UTRN: variants seen among roughly 807,000 people sequenced by gnomAD.
The protein encoded by UTRN is utrophin.
Under a neutral mutation model 463.9 loss-of-function variants are expected in UTRN, and 283 were observed. The observed-to-expected ratio is 0.61, with a 90% confidence interval of 0.55 to 0.67. UTRN has a LOEUF of 0.67. UTRN is among the 30% of genes least tolerant of loss of function. The pLI, the probability that UTRN is intolerant of heterozygous loss-of-function variation, is 0.00. For synonymous variants in UTRN, 1,442 were observed against 1,431.5 expected, an observed-to-expected ratio of 1.01 and a Z score of -0.17; for missense variants, 3,922 against 4,084.3, an observed-to-expected ratio of 0.96 and a Z score of 1.08.
intron 38 of UTRN, 122 bp downstream of exon 38, chr6:144,516,509 A>T: frequency 8.6e-7 from 1 of 1,169,242 alleles, no homozygotes; most frequent in Non-Finnish European, 1.2e-6. Flanking sequence ...TTCAAATGTG[A>T]TTTTTTGATG....
chr6:144,475,462 G>T (rs1791092106), intron 25 of UTRN, among the ~76,000 whole-genome samples: 1 of 152,168 alleles, frequency 6.6e-6, no homozygotes, highest in Non-Finnish European at 1.5e-5. Flanking sequence ...AATATTTGAG[G>T]TTAGAGGTAG....
rs34643516 is a variant in UTRN, at chr6:144,459,301, G to T, written c.2654G>T (p.Arg885Leu). Residue 885 changes from arginine to leucine, a missense_variant, in exon 21 of 75, where the codon CGC becomes CTC. Coordinates refer to ENST00000367545, the MANE Select transcript of UTRN (RefSeq NM_007124.3). The stretch of plus-strand genomic sequence containing the variant: ...CGGGGCTTCGATAGCTTTCTGGGCC[G>T]CTACCAAGCTGTACAAGAGGCTGTA... The part of the protein sequence containing the change: ...VQRGFDSFLG[R>L]YQAVQEAVED... The T allele has an allele frequency of 1.9e-5, 30 of 1,613,874 alleles. No homozygotes were observed. The highest frequency in any genetic ancestry group is 2.3e-5 in the Non-Finnish European group (27 of 1,179,984).
At chr6:144,807,088 A>T (rs1013714417) in intron 65 of UTRN, among the ~76,000 whole-genome samples, 6 of 152,056 alleles carry the variant, frequency 3.9e-5, no homozygotes, top group Non-Finnish European at 8.8e-5. Flanking sequence ...AGACCTTCCC[A>T]TATGGACCTT....
intron 52 of UTRN, among the ~76,000 whole-genome samples, chr6:144,679,232 G>A (rs1033147230): frequency 2.6e-5 from 4 of 152,090 alleles, no homozygotes; most frequent in Admixed American, 2.0e-4. Flanking sequence ...TTCTGACTAG[G>A]AAAAGACCTT....
chr6:144,743,323 A>G (rs558365731), intron 54 of UTRN, among the ~76,000 whole-genome samples: 20 of 152,372 alleles, frequency 1.3e-4, no homozygotes, highest in Middle Eastern at 3.4e-3. Flanking sequence ...TTATTAAACA[A>G]TAACACTGGG....
chr6:144,477,869 C>CTTTATCTATCTATCTATCTATCTA (rs150288402), intron 25 of UTRN, among the ~76,000 whole-genome samples: 1 of 148,896 alleles, frequency 6.7e-6, no homozygotes, highest in African/African-American at 2.5e-5. Flanking sequence ...AAGTTTGTAT[C>CTTTATCTATCTATCTATCTATCTA]TCTATCTATC....
At chr6:144,531,718 TAGAA>T (rs1199851595) in intron 42 of UTRN, among the ~76,000 whole-genome samples, 1 of 152,194 alleles carries the variant, frequency 6.6e-6, no homozygotes, top group Non-Finnish European at 1.5e-5. Flanking sequence ...AAAATAATGG[TAGAA>T]AGCACACGCA....
chr6:144,462,732 G>A lies in UTRN; in HGVS notation c.2932G>A (p.Val978Ile), dbSNP rs772831480. The stretch of plus-strand genomic sequence containing the variant: ...AGAAACAAAGGCTCTGGAGAAAAAT[G>A]TTCATCCTGATGTAGAAAAATTATA... ...AEETKALEKN[V>I]HPDVEKLYKQ... The change falls in exon 23 of 75, where the codon GTT (valine) becomes ATT (isoleucine). Residue 978 changes from valine to isoleucine, a missense_variant. Val to Ile is a conservative substitution (Grantham distance 29). Around this residue, in one of 3 missense-constraint regions of UTRN, gnomAD observed 2,349 missense variants for 2,303.8 expected, o/e 1.02. Coordinates refer to ENST00000367545, the MANE Select transcript of UTRN (RefSeq NM_007124.3). 6.8e-6 allele frequency: 11 copies of A among 1,611,546 alleles called. No individual in the cohort carries two copies. In the South Asian group the frequency reaches 8.9e-5, roughly 13 times the overall value.
intron 2 of UTRN, chr6:144,398,501 T>C: frequency 3.1e-6 from 1 of 324,834 alleles, no homozygotes; most frequent in Non-Finnish European, 6.0e-6. Flanking sequence ...AGGACAGTGA[T>C]ATTACTTCAA....
intron 2 of UTRN, among the ~76,000 whole-genome samples, chr6:144,331,333 C>T (rs1311501231): frequency 6.6e-6 from 1 of 152,108 alleles, no homozygotes; most frequent in Non-Finnish European, 1.5e-5. Context: ...GAGCCTGGCA[C>T]AGAACTTGGC....
intron 46 of UTRN, among the ~76,000 whole-genome samples, chr6:144,547,431 C>T (rs1245022826): frequency 1.3e-5 from 2 of 152,042 alleles, no homozygotes; most frequent in Admixed American, 1.3e-4. Context: ...TACTTCAGTC[C>T]TCTGAAGTAA....
chr6:144,539,076 G>A (rs1346490944), intron 44 of UTRN, among the ~76,000 whole-genome samples: 3 of 152,184 alleles, frequency 2.0e-5, no homozygotes, highest in Admixed American at 6.5e-5. Flanking sequence ...GAGCCCGTTT[G>A]TGCACAGGAG....
intron 51 of UTRN, among the ~76,000 whole-genome samples, chr6:144,671,398 C>T (rs575192296): frequency 6.6e-6 from 1 of 151,674 alleles, no homozygotes; most frequent in East Asian, 1.9e-4. Flanking sequence ...TTTTTTACAG[C>T]TATTTTAAAA....
intron 58 of UTRN, among the ~76,000 whole-genome samples, chr6:144,768,358 C>T (rs1274861480): frequency 6.6e-6 from 1 of 152,142 alleles, no homozygotes; most frequent in Non-Finnish European, 1.5e-5. Context: ...AGCTGGGGCT[C>T]TTCAGAGTAA....
chr6:144,582,671 G>A (rs1802077761), intron 51 of UTRN, among the ~76,000 whole-genome samples: 1 of 152,154 alleles, frequency 6.6e-6, no homozygotes, highest in Non-Finnish European at 1.5e-5. Flanking sequence ...TCACTTAGCT[G>A]TTTAATTAGA....
At position 144,851,466 on chromosome 6, in the gene UTRN, T is replaced by C. The variant is rs539533902; in HGVS notation, c.*469T>C. On this transcript the variant is annotated 3_prime_UTR_variant, in exon 75 of 75. Coordinates refer to ENST00000367545, the MANE Select transcript of UTRN (RefSeq NM_007124.3). ...TTTTTCTTTGACTCTTTTACCACAA[T>C]GTTTTGGTTATTTATAATTTATCAG... 1 of 157,322 alleles carries C rather than the reference T, an allele frequency of 6.4e-6. No individual in the cohort carries two copies. Among genetic ancestry groups the C allele is most frequent in the South Asian group, 1.9e-4 (1 of 5,220 alleles). 9.7% of individuals were successfully genotyped at this position (157,322 alleles called of 1,614,324 possible).
At position 144,751,963 on chromosome 6, in the gene UTRN, A is replaced by T; in HGVS notation, c.8355+11A>T. On this transcript the variant is annotated intron_variant, in intron 56 of 74. Coordinates refer to ENST00000367545, the MANE Select transcript of UTRN (RefSeq NM_007124.3). ...TGGAAACTTTTACAGGTATCAGCTT[A>T]TTCCCCTTCATAATGCAGGCTTACA... 1 of 1,597,436 alleles carries T rather than the reference A, an allele frequency of 6.3e-7. No homozygotes were observed.
intron 55 of UTRN, 120 bp from the exon 56 acceptor site, chr6:144,751,686 T>G: frequency 7.3e-6 from 7 of 955,482 alleles, no homozygotes; most frequent in Non-Finnish European, 7.1e-6. Context: ...GAAGTTTGGT[T>G]GAGAAAAATC....
intron 2 of UTRN, among the ~76,000 whole-genome samples, chr6:144,318,386 C>T (rs1465621518): frequency 1.3e-5 from 2 of 152,168 alleles, no homozygotes; most frequent in African/African-American, 4.8e-5. Flanking sequence ...CCTCTACCTC[C>T]TGGGCTGAAG....
Sources: allele counts gnomAD v4.1 joint callset (sites outside exome capture counted in the v4.1 genomes callset), GRCh38; gene constraint gnomAD v4.1.1; regional missense constraint gnomAD v4.1.1; transcripts MANE v1.5; gene names NCBI Gene and HGNC (gene_info 2026-07-23, HGNC 2026-07-21).